Variants in EYA2 observed in about 807,000 individuals in gnomAD.
The protein encoded by EYA2 is protein phosphatase EYA2.
EYA2 carries 31 observed loss-of-function variants against 69.2 expected under a neutral mutation model. That is an observed-to-expected ratio of 0.45 (90% CI 0.34 to 0.60). The LOEUF is 0.60. Ranked by LOEUF, EYA2 falls within the 20% of genes least tolerant of loss-of-function variation. The pLI is 0.02. For synonymous variants in EYA2, 257 were observed against 279.4 expected (o/e 0.92, Z 0.80); for missense variants, 622 against 701.2 (o/e 0.89, Z 1.28).
At chr20:47,123,074 G>A (rs6063073) in intron 9 of EYA2, among the ~76,000 whole-genome samples, 65,550 of 151,918 alleles carry the variant, frequency 0.43, 15,669 homozygotes, top group East Asian at 0.68. Flanking sequence ...GGGTCACTGG[G>A]GGAGGATTAC....
chr20:46,912,727 T>A (rs1254641209), intron 1 of EYA2, among the ~76,000 whole-genome samples: 1 of 149,558 alleles, frequency 6.7e-6, no homozygotes, highest in Non-Finnish European at 1.5e-5. Context: ...GGAGTCTCGC[T>A]CTGTCGCCCA....
rs543630170 is a variant in EYA2, at chr20:47,116,934, G to C, written c.888+19766G>C. Among the ~76,000 whole-genome samples the C allele has an allele frequency of 2.6e-5, 4 of 151,936 alleles. No homozygotes were observed. The South Asian group carries it at 8.3e-4, about 32-fold the overall frequency. On this transcript the variant is annotated intron_variant, in intron 9 of 15. Coordinates refer to ENST00000327619, the MANE Select transcript of EYA2 (RefSeq NM_005244.5). ...CTGAAGGGCGGTCTGGCATCACCAG[G>C]TAGCTGGCAGAAATGCAGAGTCTCA...
intron 1 of EYA2, among the ~76,000 whole-genome samples, chr20:46,945,886 CAG>C (rs994198181): frequency 8.5e-5 from 13 of 152,222 alleles, no homozygotes; most frequent in African/African-American, 3.1e-4. Context: ...CAGCTGTTGA[CAG>C]TGGGCCTGGC....
chr20:47,044,666 A>G (rs1306344367), intron 5 of EYA2, among the ~76,000 whole-genome samples: 1 of 152,170 alleles, frequency 6.6e-6, no homozygotes, highest in African/African-American at 2.4e-5. Flanking sequence ...CTCAGCAAAC[A>G]TTTATTGAGG....
chr20:47,186,409 G>A (rs2034643878), intron 15 of EYA2, among the ~76,000 whole-genome samples: 1 of 140,624 alleles, frequency 7.1e-6, no homozygotes, highest in Admixed American at 7.4e-5. Flanking sequence ...GCCCAGGTTG[G>A]AGTGCAGTGG....
At chr20:46,999,146 T>C (rs1294111747) in intron 2 of EYA2, among the ~76,000 whole-genome samples, 4 of 152,246 alleles carry the variant, frequency 2.6e-5, no homozygotes, top group Non-Finnish European at 5.9e-5. Flanking sequence ...CATAGGAATG[T>C]TGTTCCCATA....
intron 9 of EYA2, among the ~76,000 whole-genome samples, chr20:47,132,264 G>T (rs1283091267): frequency 6.6e-6 from 1 of 152,164 alleles, no homozygotes; most frequent in Non-Finnish European, 1.5e-5. Context: ...GTTTTAGAAG[G>T]AGGGAGTAGC....
At chr20:47,155,249 C>T (rs2146620439) in intron 10 of EYA2, among the ~76,000 whole-genome samples, 1 of 152,132 alleles carries the variant, frequency 6.6e-6, no homozygotes, top group African/African-American at 2.4e-5. Flanking sequence ...AAAACTCACA[C>T]AAATAGCAAC....
At chr20:46,992,900 C>G (rs1367811637) in intron 2 of EYA2, among the ~76,000 whole-genome samples, 1 of 152,176 alleles carries the variant, frequency 6.6e-6, no homozygotes, top group Non-Finnish European at 1.5e-5. Flanking sequence ...ATGCCTCTCC[C>G]CCTGCCTGGC....
intron 1 of EYA2, among the ~76,000 whole-genome samples, chr20:46,919,527 G>A (rs1985086675): frequency 6.6e-6 from 1 of 152,232 alleles, no homozygotes; most frequent in Non-Finnish European, 1.5e-5. Context: ...TTCTTCTGCA[G>A]CTTCCTCATT....
Position 47,001,542 on chromosome 20 carries a change from A to G in EYA2, c.155+69A>G, listed in dbSNP as rs1004205006. On this transcript the variant is annotated intron_variant, in intron 3 of 15. Transcript: ENST00000327619. ...CTTCTTTCTTGGAAGGTAGAGGTTAAGAGAGAGGGCCCTGGAGCCAGATTC... is the reference window on the plus strand; with the variant it reads ...CTTCTTTCTTGGAAGGTAGAGGTTAGGAGAGAGGGCCCTGGAGCCAGATTC... The G allele has an allele frequency of 6.8e-5, 103 of 1,504,132 alleles. 1 individual carries two copies. In the South Asian group the frequency reaches 1.1e-3, roughly 15 times the overall value. The allele number at this position is 1,504,132 out of a possible 1,614,324, so 93.2% of individuals were successfully genotyped here. A position where few individuals can be genotyped will look rare whatever the true frequency, so the allele number is the denominator to read the frequency against.
chr20:46,941,669 T>C (rs1469350070), intron 1 of EYA2, among the ~76,000 whole-genome samples: 1 of 152,198 alleles, frequency 6.6e-6, no homozygotes, highest in Non-Finnish European at 1.5e-5. Context: ...CATGCCCTTA[T>C]CTTAAAGGCT....
rs147427515 is a variant in EYA2 at position 47,055,038 on chromosome 20, A to G, written c.416-17147A>G. 3.3e-3 allele frequency among the ~76,000 whole-genome samples: 496 copies of G among 152,300 alleles called. 3 individuals carry two copies. Among genetic ancestry groups the G allele is most frequent in the African/African-American group, 0.011 (454 of 41,568 alleles). On this transcript the variant is annotated intron_variant, in intron 5 of 15. Transcript: ENST00000327619. Reference sequence around the variant, plus strand: ...CTCGTGGTGGCGAAGAGGCTGCAGCAGCTCCAGCCTCTTTACCATATGTCA... The same window carrying G: ...CTCGTGGTGGCGAAGAGGCTGCAGCGGCTCCAGCCTCTTTACCATATGTCA...
chr20:46,987,964 C>CTCTCTA (rs1555809797), intron 1 of EYA2, among the ~76,000 whole-genome samples: 11 of 11,276 alleles, frequency 9.8e-4, no homozygotes, highest in Non-Finnish European at 1.2e-3. Flanking sequence ...CTCTCTCTCT[C>CTCTCTA]TATATATATA....
Position 47,072,247 on chromosome 20 carries a change from C to T in EYA2, c.478C>T (p.His160Tyr), listed in dbSNP as rs1372466934. ...CAACGCAGCCGGTTTCGGGAGTGTG[C>T]ACCAGGTAGACATGGCTCCCTCCCG... Reference protein sequence around the residue: ...LGNAAGFGSVHQDYPSYPGFP... With the variant: ...LGNAAGFGSVYQDYPSYPGFP... Residue 160 changes from histidine to tyrosine, a missense_variant, in exon 6 of 16, where the codon CAC becomes TAC. This residue lies in a region of EYA2 where 365 missense variants were observed against 349.7 expected (regional missense o/e 1.04). Transcript: ENST00000327619. The T allele has an allele frequency of 6.2e-7, 1 of 1,611,244 alleles. No homozygotes were observed. Among genetic ancestry groups the T allele is most frequent in the Admixed American group, 1.7e-5 (1 of 59,770 alleles).
intron 9 of EYA2, among the ~76,000 whole-genome samples, chr20:47,112,089 C>T (rs370793036): frequency 6.6e-6 from 1 of 152,036 alleles, no homozygotes; most frequent in African/African-American, 2.4e-5. Context: ...TGCAGTGAGC[C>T]GAGGTGGCAC....
intron 15 of EYA2, 60 bp downstream of exon 15, chr20:47,183,451 T>C: frequency 6.8e-7 from 1 of 1,476,042 alleles, no homozygotes; most frequent in Admixed American, 1.9e-5. Flanking sequence ...CTCGTGGTCT[T>C]CAAGGGCTCC....
intron 5 of EYA2, among the ~76,000 whole-genome samples, chr20:47,018,070 T>C (rs1454978312): frequency 6.6e-6 from 1 of 152,152 alleles, no homozygotes; most frequent in Non-Finnish European, 1.5e-5. Context: ...GGGGAGTGAA[T>C]GATGGCACCG....
intron 8 of EYA2, among the ~76,000 whole-genome samples, chr20:47,090,261 C>G (rs974845838): frequency 7.0e-6 from 1 of 142,062 alleles, no homozygotes; most frequent in Non-Finnish European, 1.5e-5. Flanking sequence ...ATTGGAGCCT[C>G]TCTCTGGCTC....
Sources: allele counts gnomAD v4.1 joint callset (sites outside exome capture counted in the v4.1 genomes callset), GRCh38; gene constraint gnomAD v4.1.1; regional missense constraint gnomAD v4.1.1; transcripts MANE v1.5; gene names NCBI Gene and HGNC (gene_info 2026-07-23, HGNC 2026-07-21).